The following NLGN1 variants were observed in gnomAD, a reference collection of about 807,000 sequenced individuals.
NLGN1 encodes neuroligin-1.
A neutral mutation model predicts 65.5 loss-of-function variants in NLGN1; 12 were observed. That is an observed-to-expected ratio of 0.18 (90% CI 0.12 to 0.30). NLGN1 has a LOEUF of 0.30. Ranked by LOEUF, NLGN1 falls within the 10% of genes least tolerant of loss-of-function variation. The probability of loss-of-function intolerance (pLI) is 1.00; values close to 1 mark genes in which losing one functional copy is unlikely to be tolerated. For synonymous variants in NLGN1, 350 were observed against 359.5 expected (o/e 0.97, Z 0.30); for missense variants, 750 against 1,007.1 (o/e 0.74, Z 3.46).
intron 3 of NLGN1, among the ~76,000 whole-genome samples, chr3:173,765,644 C>A (rs1488545): frequency 0.79 from 120,799 of 152,096 alleles, 48,663 homozygotes; most frequent in African/African-American, 0.82. Flanking sequence ...GTTCCAATCT[C>A]TCTCTATAAA....
chr3:174,128,215 T>C (rs1409647875), intron 4 of NLGN1, among the ~76,000 whole-genome samples: 1 of 152,134 alleles, frequency 6.6e-6, no homozygotes, highest in African/African-American at 2.4e-5. Context: ...TTTGACCAAA[T>C]AGATTCACAC....
At chr3:173,932,897 G>GT (rs1266796174) in intron 4 of NLGN1, among the ~76,000 whole-genome samples, 1 of 152,128 alleles carries the variant, frequency 6.6e-6, no homozygotes, top group African/African-American at 2.4e-5. Flanking sequence ...TAGCTCATGT[G>GT]TAAGTGTAAG....
chr3:173,972,911 A>C (rs1202268789), intron 4 of NLGN1, among the ~76,000 whole-genome samples: 2 of 152,128 alleles, frequency 1.3e-5, no homozygotes, highest in Non-Finnish European at 2.9e-5. Context: ...TCTGTATTTT[A>C]ACAAACCCTC....
chr3:174,145,754 A>T (rs1455884435), intron 4 of NLGN1, among the ~76,000 whole-genome samples: 1 of 152,218 alleles, frequency 6.6e-6, no homozygotes, highest in Non-Finnish European at 1.5e-5. Flanking sequence ...ATTATAATAC[A>T]TTTTAATAAT....
intron 3 of NLGN1, among the ~76,000 whole-genome samples, chr3:173,609,933 A>C (rs1408705785): frequency 6.6e-6 from 1 of 152,072 alleles, no homozygotes; most frequent in East Asian, 1.9e-4. Flanking sequence ...ATCTAGAGAA[A>C]GATATTTAAG....
chr3:173,429,067 T>G (rs917027487), intron 1 of NLGN1, among the ~76,000 whole-genome samples: 11 of 151,984 alleles, frequency 7.2e-5, no homozygotes, highest in Non-Finnish European at 7.4e-5. Context: ...TCTCTTACTA[T>G]TTTTTAAATA....
At chr3:173,720,384 T>C (rs943786532) in intron 3 of NLGN1, among the ~76,000 whole-genome samples, 4 of 152,208 alleles carry the variant, frequency 2.6e-5, no homozygotes, top group African/African-American at 9.6e-5. Flanking sequence ...CAGTTATTTT[T>C]TGTCCTGTAT....
chr3:173,734,426 T>TAGAAA (rs1293630439), intron 3 of NLGN1, among the ~76,000 whole-genome samples: 5 of 123,922 alleles, frequency 4.0e-5, no homozygotes, highest in African/African-American at 1.5e-4. Flanking sequence ...AAACAGGGTT[T>TAGAAA]CACCCTGTGG....
At chr3:173,532,744 A>T (rs1020781572) in intron 2 of NLGN1, among the ~76,000 whole-genome samples, 2 of 152,168 alleles carry the variant, frequency 1.3e-5, no homozygotes, top group Non-Finnish European at 2.9e-5. Context: ...TTTTATTTGT[A>T]TTGGACATTG....
chr3:174,232,740 A>G (rs893136648), intron 4 of NLGN1, among the ~76,000 whole-genome samples: 2 of 152,208 alleles, frequency 1.3e-5, no homozygotes, highest in African/African-American at 2.4e-5. Context: ...TAAGAGAGAA[A>G]GGAAGATTTT....
At position 174,138,553 on chromosome 3, in the gene NLGN1, G is replaced by A. The variant is rs377299240; in HGVS notation, c.647-136762G>A. Among the ~76,000 whole-genome samples, 11 of 151,226 alleles carry A rather than the reference G, an allele frequency of 7.3e-5. No homozygotes were observed. The East Asian group carries it at 2.0e-3, about 27-fold the overall frequency. On this transcript the variant is annotated intron_variant, in intron 4 of 6. Coordinates refer to ENST00000457714, the Ensembl canonical transcript of NLGN1. ...AGGTTCACGCCATTCTCCTGCCTCA[G>A]CCTCCCAAATAGCTGGGACGACAGG...
chr3:173,403,411 A>G (rs1207576110), intron 1 of NLGN1, among the ~76,000 whole-genome samples: 1 of 152,126 alleles, frequency 6.6e-6, no homozygotes, highest in African/African-American at 2.4e-5. Context: ...CATAATTCAG[A>G]GATAATATGA....
chr3:173,773,045 A>T (rs1578360846), intron 3 of NLGN1, among the ~76,000 whole-genome samples: 4 of 152,170 alleles, frequency 2.6e-5, no homozygotes, highest in African/African-American at 9.6e-5. Flanking sequence ...CTTTCCAGAC[A>T]TATTCACTTT....
At chr3:173,633,802 A>T (rs10936765) in intron 3 of NLGN1, among the ~76,000 whole-genome samples, 1 of 152,162 alleles carries the variant, frequency 6.6e-6, no homozygotes, top group Non-Finnish European at 1.5e-5. Context: ...TCTTCTAATT[A>T]TCGTTTAGCA....
At chr3:173,757,347 A>C (rs1395388092) in intron 3 of NLGN1, among the ~76,000 whole-genome samples, 1 of 151,590 alleles carries the variant, frequency 6.6e-6, no homozygotes, top group Non-Finnish European at 1.5e-5. Flanking sequence ...AGAAATATTA[A>C]GAAATATTCT....
intron 4 of NLGN1, among the ~76,000 whole-genome samples, chr3:174,152,584 A>G (rs543551162): frequency 6.6e-6 from 1 of 152,036 alleles, no homozygotes; most frequent in Non-Finnish European, 1.5e-5. Flanking sequence ...AACATGGCAC[A>G]TGTATACATA....
At chr3:173,957,722 G>C (rs1370515371) in intron 4 of NLGN1, among the ~76,000 whole-genome samples, 1 of 152,186 alleles carries the variant, frequency 6.6e-6, no homozygotes, top group Non-Finnish European at 1.5e-5. Flanking sequence ...CTATGGTCCT[G>C]AATGTAGATT....
intron 2 of NLGN1, among the ~76,000 whole-genome samples, chr3:173,454,140 T>G (rs1722112590): frequency 6.6e-6 from 1 of 152,192 alleles, no homozygotes; most frequent in Non-Finnish European, 1.5e-5. Context: ...GAGAGACATT[T>G]TATTCCTGAA....
downstream of NLGN1, among the ~76,000 whole-genome samples, chr3:174,289,344 C>A (rs1752469221): frequency 6.6e-6 from 1 of 151,310 alleles, no homozygotes; most frequent in Non-Finnish European, 1.5e-5. Flanking sequence ...AGTTACTGAG[C>A]TACTTGTTAA....
Sources: gnomAD v4.1 joint callset for allele counts (sites outside exome capture counted in the v4.1 genomes callset) on GRCh38, gnomAD v4.1.1 for gene constraint, MANE v1.5 for transcripts, NCBI Gene and HGNC (gene_info 2026-07-23, HGNC 2026-07-21) for gene names.